Variants in MCM3AP observed in about 807,000 individuals in gnomAD.
MCM3AP encodes the protein germinal-center associated nuclear protein.
MCM3AP carries 126 observed loss-of-function variants against 184.1 expected under a neutral mutation model. The observed-to-expected ratio is 0.68, with a 90% confidence interval of 0.59 to 0.79. The LOEUF (loss-of-function observed/expected upper bound fraction) is 0.79. MCM3AP is among the 30% of genes least tolerant of loss of function. The probability of loss-of-function intolerance (pLI) is 0.00; values close to 1 mark genes in which losing one functional copy is unlikely to be tolerated. For missense variants in MCM3AP, 2,496 were observed against 2,479.2 expected, an observed-to-expected ratio of 1.01 and a Z score of -0.14; for synonymous variants, 1,002 against 979.3, an observed-to-expected ratio of 1.02 and a Z score of -0.43.
Position 46,272,740 on chromosome 21 carries a change from C to A in MCM3AP, c.2286G>T (p.Met762Ile). The A allele has an allele frequency of 2.5e-6, 4 of 1,614,122 alleles. No individual in the cohort carries two copies. Among genetic ancestry groups the A allele is most frequent in the Non-Finnish European group, 3.4e-6 (4 of 1,180,006 alleles). The stretch of plus-strand genomic sequence containing the variant: ...CAAAGGAGGACATGGGCTCCTCACA[C>A]ATGAAGTGGGCACAGTGGATGTGAA... ...TRFHIHCAHF[M>I]CEEPMSSFDA... The change falls in exon 8 of 28, where the codon ATG becomes ATT. Residue 762 changes from methionine to isoleucine, a missense_variant. Around this residue, in one of 5 missense-constraint regions of MCM3AP, gnomAD observed 105 missense variants for 97.1 expected, o/e 1.08. Coordinates refer to ENST00000291688, the MANE Select transcript of MCM3AP (RefSeq NM_003906.5).
At chr21:46,281,829 C>A (rs2081337053) in intron 2 of MCM3AP, among the ~76,000 whole-genome samples, 1 of 151,020 alleles carries the variant, frequency 6.6e-6, no homozygotes, top group Admixed American at 6.6e-5. Flanking sequence ...GTGAAACCCC[C>A]TCTCCACTAA....
intron 9 of MCM3AP, chr21:46,267,491 A>AC (rs747097977): frequency 4.9e-6 from 1 of 205,918 alleles, no homozygotes; most frequent in Non-Finnish European, 9.8e-6. Context: ...GCTGCAGAGG[A>AC]CCCCGGAGAC....
chr21:46,265,862 C>T, intron 11 of MCM3AP, 63 bp downstream of exon 11: 3 of 1,502,646 alleles, frequency 2.0e-6, no homozygotes, highest in Non-Finnish European at 2.7e-6. Context: ...GCCCAGGCTC[C>T]TGGGAGGCGT....
intron 12 of MCM3AP, among the ~76,000 whole-genome samples, chr21:46,264,662 T>A (rs1228885646): frequency 6.6e-6 from 1 of 151,890 alleles, no homozygotes; most frequent in Admixed American, 6.6e-5. Context: ...AAGGGGCACA[T>A]CCACCCCCAG....
intron 9 of MCM3AP, among the ~76,000 whole-genome samples, chr21:46,269,364 A>G (rs2048905101): frequency 6.6e-6 from 1 of 151,292 alleles, no homozygotes; most frequent in Admixed American, 6.6e-5. Context: ...CAATTTTCCC[A>G]CCTCCCAAGT....
intron 12 of MCM3AP, among the ~76,000 whole-genome samples, chr21:46,264,812 CAG>C (rs1377794209): frequency 6.6e-6 from 1 of 151,998 alleles, no homozygotes; most frequent in Non-Finnish European, 1.5e-5. Flanking sequence ...CCATGCCCAT[CAG>C]GGGGCACACC....
chr21:46,256,586 GT>G, intron 17 of MCM3AP: 1 of 617,314 alleles, frequency 1.6e-6, no homozygotes. Context: ...TGCTTTGCCA[GT>G]GGAACAAGTC....
chr21:46,279,252 A>C lies in MCM3AP; in HGVS notation c.1667+741T>G, dbSNP rs1388932443. 2.9e-5 allele frequency among the ~76,000 whole-genome samples: 4 copies of C among 138,898 alleles called. No homozygotes were observed. The East Asian group carries it at 8.0e-4, about 28-fold the overall frequency. 91.1% of individuals were successfully genotyped at this position (138,898 alleles called of 152,430 possible). On this transcript the variant is annotated intron_variant, in intron 4 of 27. Coordinates refer to ENST00000291688, the MANE Select transcript of MCM3AP (RefSeq NM_003906.5). ...GCAGTGAGCCAAGATCGTGCCACTG[A>C]ACTCCAACCTGGGCAACAGCCAGAC... is the stretch of plus-strand genomic sequence containing the variant.
intron 4 of MCM3AP, 55 bp downstream of exon 4, chr21:46,279,938 G>A (rs2081308408): frequency 1.3e-6 from 2 of 1,549,018 alleles, no homozygotes; most frequent in Admixed American, 4.0e-5. Flanking sequence ...TGTCGCTATA[G>A]GGCGCTATTT....
At chr21:46,265,566 G>A in intron 11 of MCM3AP, 43 bp from the exon 12 acceptor site, 1 of 1,469,672 alleles carries the variant, frequency 6.8e-7, no homozygotes, top group Non-Finnish European at 9.2e-7. Context: ...GCAGACACAG[G>A]GTGCCTGGCA....
chr21:46,279,583 C>T (rs1172062192), intron 4 of MCM3AP, among the ~76,000 whole-genome samples: 1 of 152,214 alleles, frequency 6.6e-6, no homozygotes, highest in East Asian at 1.9e-4. Flanking sequence ...AAGGTCTGTA[C>T]CAGCTATAAC....
intron 20 of MCM3AP, chr21:46,250,356 G>C (rs17176800): frequency 0.19 from 28,574 of 149,292 alleles, 3,847 homozygotes; most frequent in African/African-American, 0.39. Context: ...GGTATGCAGT[G>C]GCCAAGAGGA....
In MCM3AP at chr21:46,240,936, GCTC is replaced by G; in HGVS notation, c.5505_5507del (p.Arg1835del). 6.2e-7 allele frequency: 1 copy of G among 1,614,170 alleles called. No individual in the cohort carries two copies. Among genetic ancestry groups the G allele is most frequent in the Non-Finnish European group, 8.5e-7 (1 of 1,179,984 alleles). On this transcript the variant is annotated inframe_deletion, in exon 26 of 28. Transcript: ENST00000291688. ...TCCTCCCCTCTTGAGCACACTCTGT[GCTC>G]CTCTTCCAGTTACGGTGCATGTGAA...
chr21:46,285,276 G>C lies in MCM3AP; in HGVS notation c.11C>G (p.Thr4Ser), dbSNP rs1199664804. The C allele has an allele frequency of 6.2e-7, 1 of 1,611,040 alleles. No homozygotes were observed. Among genetic ancestry groups the C allele is most frequent in the East Asian group, 2.2e-5 (1 of 44,870 alleles). The part of the protein sequence containing the change: MNP[T>S]NPFSGQQPSA... ...AGGCTGCTGCCCACTGAAAGGATTA[G>C]TTGGGTTCATCTTCTGCTCCAATTA... The change falls in exon 1 of 28, where the codon ACT becomes AGT. Residue 4 changes from threonine (T) to serine (S), a missense_variant. Thr to Ser is a moderately conservative substitution (Grantham distance 58). Transcript: ENST00000291688.
At chr21:46,257,269 G>T (rs1192689582) in intron 16 of MCM3AP, among the ~76,000 whole-genome samples, 1 of 150,354 alleles carries the variant, frequency 6.7e-6, no homozygotes, top group African/African-American at 2.4e-5. Flanking sequence ...GAGCTCAAGA[G>T]TTCAAGACCA....
intron 10 of MCM3AP, 30 bp from the exon 11 acceptor site, chr21:46,266,196 G>A: frequency 1.9e-6 from 3 of 1,574,824 alleles, no homozygotes; most frequent in South Asian, 1.2e-5. Flanking sequence ...CCCCCGAGGG[G>A]TGTCACCAGG....
At chr21:46,283,902 G>T in intron 1 of MCM3AP, 64 bp from the exon 2 acceptor site, 1 of 1,550,144 alleles carries the variant, frequency 6.5e-7, no homozygotes, top group Non-Finnish European at 8.8e-7. Context: ...GGCACCAACT[G>T]TGTCGAAGCA....
chr21:46,236,554 G>T (rs148282864), intron 27 of MCM3AP, among the ~76,000 whole-genome samples: 2 of 152,300 alleles, frequency 1.3e-5, no homozygotes, highest in African/African-American at 4.8e-5. Flanking sequence ...TCACCTTAAT[G>T]CCCTTAATTA....
intron 13 of MCM3AP, among the ~76,000 whole-genome samples, chr21:46,263,779 T>TAAA (rs2081071691): frequency 7.7e-5 from 1 of 13,006 alleles, no homozygotes; most frequent in Non-Finnish European, 1.5e-4. Flanking sequence ...AGACTCCATC[T>TAAA]CAAAAAAAAA....
Sources: allele counts gnomAD v4.1 joint callset (sites outside exome capture counted in the v4.1 genomes callset), GRCh38; gene constraint gnomAD v4.1.1; regional missense constraint gnomAD v4.1.1; transcripts MANE v1.5; gene names NCBI Gene and HGNC (gene_info 2026-07-23, HGNC 2026-07-21).